The following ATP2B2 variants were observed in gnomAD, a reference collection of about 807,000 sequenced individuals.
The protein encoded by ATP2B2 is ATPase plasma membrane Ca2+ transporting 2.
A neutral mutation model predicts 120.0 loss-of-function variants in ATP2B2; 15 were observed. The observed-to-expected ratio is 0.12, with a 90% confidence interval of 0.08 to 0.19. ATP2B2 has a LOEUF of 0.19. Ranked by LOEUF, ATP2B2 falls within the 10% of genes least tolerant of loss-of-function variation. ATP2B2 has a pLI of 1.00. For synonymous variants in ATP2B2, 694 were observed against 700.3 expected, an observed-to-expected ratio of 0.99 and a Z score of 0.14; for missense variants, 1,045 against 1,719.8, an observed-to-expected ratio of 0.61 and a Z score of 6.94.
intron 1 of ATP2B2, among the ~76,000 whole-genome samples, chr3:10,677,186 T>C (rs551298170): frequency 1.1e-4 from 17 of 152,292 alleles, no homozygotes; most frequent in Non-Finnish European, 2.5e-4. Flanking sequence ...GGTGAATGGA[T>C]AAACCGTGGT....
intron 1 of ATP2B2, among the ~76,000 whole-genome samples, chr3:10,636,821 G>A (rs371449318): frequency 4.6e-5 from 7 of 152,284 alleles, no homozygotes; most frequent in South Asian, 4.2e-4. Flanking sequence ...GAGCATCAGA[G>A]GGGAAAGAGC....
chr3:10,406,386 T>C (rs73113658), intron 3 of ATP2B2, among the ~76,000 whole-genome samples: 1,860 of 152,328 alleles, frequency 0.012, 43 homozygotes, highest in African/African-American at 0.042. Context: ...GCAAACATAG[T>C]CATGAGCCAT....
chr3:10,678,535 A>C (rs1271672662), intron 1 of ATP2B2, among the ~76,000 whole-genome samples: 1 of 152,156 alleles, frequency 6.6e-6, no homozygotes, highest in African/African-American at 2.4e-5. Flanking sequence ...AACCAAGAAA[A>C]TGGCCCTTCT....
chr3:10,475,788 C>A lies in ATP2B2; in HGVS notation c.-319-25926G>T, dbSNP rs549006438. On this transcript the variant is annotated intron_variant, in intron 1 of 22. Transcript: ENST00000360273. ...CTGCTGCCAAAGCCAAAGCCCCCTT[C>A]CCCGTCTGCAATGCCTCATGCTGTC... Among the ~76,000 whole-genome samples the A allele has an allele frequency of 8.5e-5, 13 of 152,324 alleles. No individual in the cohort carries two copies. The East Asian group carries it at 2.5e-3, about 29-fold the overall frequency.
chr3:10,681,333 A>G (rs895197967), intron 1 of ATP2B2, among the ~76,000 whole-genome samples: 9 of 152,192 alleles, frequency 5.9e-5, no homozygotes, highest in African/African-American at 1.9e-4. Flanking sequence ...CCTTGTCACC[A>G]GAGGCAAAAT....
rs114254891 is a variant in ATP2B2, at chr3:10,553,642, G to T, written c.-414-19509C>A. Among the ~76,000 whole-genome samples, 14 of 147,554 alleles carry T rather than the reference G, an allele frequency of 9.5e-5. No homozygotes were observed. In the East Asian group the frequency reaches 1.9e-3, roughly 20 times the overall value. ...GAGGCCCTCAGAGGATTGCAGAGCT[G>T]GGGGGGAAACCCAGGACTCCCTGCC... On this transcript the variant is annotated intron_variant, in intron 2 of 21. Transcript: ENST00000646379.
At chr3:10,431,646 C>T (rs920460070) in intron 2 of ATP2B2, among the ~76,000 whole-genome samples, 4 of 152,046 alleles carry the variant, frequency 2.6e-5, no homozygotes, top group Non-Finnish European at 4.4e-5. Flanking sequence ...AGGGCAGAGA[C>T]ATTGTTTTGT....
chr3:10,596,325 C>T (rs2068763018), intron 2 of ATP2B2, among the ~76,000 whole-genome samples: 1 of 152,226 alleles, frequency 6.6e-6, no homozygotes, highest in Admixed American at 6.5e-5. Flanking sequence ...TCTATGAGGG[C>T]AGGGACTCTG....
chr3:10,556,870 T>G (rs555735437), intron 2 of ATP2B2, among the ~76,000 whole-genome samples: 1 of 152,366 alleles, frequency 6.6e-6, no homozygotes, highest in Admixed American at 6.5e-5. Flanking sequence ...GGTACAATTG[T>G]CCCTATTTTG....
At position 10,515,083 on chromosome 3, in the gene ATP2B2, C is replaced by G. The variant is rs539866183; in HGVS notation, c.-320+18956G>C. Among the ~76,000 whole-genome samples the G allele has an allele frequency of 1.0e-3, 154 of 152,312 alleles. 1 individual carries two copies. The highest frequency in any genetic ancestry group is 3.4e-3 in the African/African-American group (143 of 41,570). ...CAAGGTGCTGTTTCTTTCTGGGGGACACAGAGCATAGAGCAGGGGCTTGGG... is the reference window on the plus strand; with the variant it reads ...CAAGGTGCTGTTTCTTTCTGGGGGAGACAGAGCATAGAGCAGGGGCTTGGG... On this transcript the variant is annotated intron_variant, in intron 3 of 21. Coordinates refer to the ATP2B2 transcript ENST00000646379.
chr3:10,649,833 G>A (rs143714668), intron 1 of ATP2B2, among the ~76,000 whole-genome samples: 2 of 152,154 alleles, frequency 1.3e-5, no homozygotes, highest in African/African-American at 2.4e-5. Context: ...AAAAGGGGAG[G>A]TTCCCTGCAC....
At chr3:10,411,569 G>A (rs2062613074) in intron 2 of ATP2B2, among the ~76,000 whole-genome samples, 1 of 152,218 alleles carries the variant, frequency 6.6e-6, no homozygotes, top group Non-Finnish European at 1.5e-5. Flanking sequence ...CTCGCTCTCT[G>A]AGCCTCAGTA....
rs369726075 is a variant in ATP2B2 at position 10,378,397 on chromosome 3, G to A, written c.1056C>T (p.Asp352=). 6.6e-5 allele frequency: 106 copies of A among 1,602,060 alleles called. No individual in the cohort carries two copies. The highest frequency in any genetic ancestry group is 8.2e-5 in the Non-Finnish European group (97 of 1,179,978). ...DASQSKAKQQ[D]GAAAMEMQPL... is the part of the protein sequence containing the mutation. ...GCTGCATCTCCATGGCGGCTGCCCCGTCCTGTTGTTTGGCTGCAGGGGGCA... is the reference window on the plus strand; with the variant it reads ...GCTGCATCTCCATGGCGGCTGCCCCATCCTGTTGTTTGGCTGCAGGGGGCA... The change falls in exon 10 of 23, where the codon GAC becomes GAT. Residue 352 remains aspartate (D), a synonymous_variant. Transcript: ENST00000360273.
At chr3:10,653,325 G>T (rs549189292) in intron 1 of ATP2B2, among the ~76,000 whole-genome samples, 11 of 152,198 alleles carry the variant, frequency 7.2e-5, no homozygotes, top group Admixed American at 2.0e-4. Flanking sequence ...TGGAAACATT[G>T]TTTCCAAGAC....
intron 1 of ATP2B2, among the ~76,000 whole-genome samples, chr3:10,637,239 C>A (rs1449759013): frequency 6.6e-6 from 1 of 151,950 alleles, no homozygotes; most frequent in African/African-American, 2.4e-5. Flanking sequence ...TATCTAGTAC[C>A]CAATAAGGTA....
Position 10,343,528 on chromosome 3 carries a change from A to G in ATP2B2, c.2704-563T>C, listed in dbSNP as rs1398373623. Reference sequence around the variant, plus strand: ...CAAATGAGGAATAGCAAAAGCAACTAAAACTGTCAAGGACCTCACCACTTT... The same window carrying G: ...CAAATGAGGAATAGCAAAAGCAACTGAAACTGTCAAGGACCTCACCACTTT... On this transcript the variant is annotated intron_variant, in intron 18 of 22. Coordinates refer to ENST00000360273, the MANE Select transcript of ATP2B2 (RefSeq NM_001001331.4). This position sits in a 1 kb window ranked among gnomAD's most constrained non-coding sequence, Gnocchi z 4.2. 7.8e-3 allele frequency among the ~76,000 whole-genome samples: 1 copy of G among 128 alleles called. No individual in the cohort carries two copies. Among genetic ancestry groups the G allele is most frequent in the Non-Finnish European group, 0.018 (1 of 56 alleles). 0.1% of individuals were successfully genotyped at this position (128 alleles called of 152,430 possible).
At chr3:10,543,837 C>G (rs555206520) in intron 2 of ATP2B2, among the ~76,000 whole-genome samples, 1 of 151,324 alleles carries the variant, frequency 6.6e-6, no homozygotes, top group African/African-American at 2.4e-5. Context: ...CTCCTGGGTT[C>G]GAGAAATTCT....
At chr3:10,378,139 T>A in intron 10 of ATP2B2, 113 bp downstream of exon 10, 1 of 1,422,672 alleles carries the variant, frequency 7.0e-7, no homozygotes, top group Non-Finnish European at 9.3e-7. Flanking sequence ...CTTCAGGCAC[T>A]CATTCAAGCC....
intron 1 of ATP2B2, among the ~76,000 whole-genome samples, chr3:10,645,161 T>C (rs1015177527): frequency 3.3e-5 from 5 of 152,186 alleles, no homozygotes; most frequent in African/African-American, 1.2e-4. Context: ...GGGTAAAATG[T>C]CAACCATAGG....
Sources: allele counts gnomAD v4.1 joint callset (sites outside exome capture counted in the v4.1 genomes callset), GRCh38; gene constraint gnomAD v4.1.1; non-coding constraint Gnocchi (gnomAD v3.1); transcripts MANE v1.5; gene names NCBI Gene and HGNC (gene_info 2026-07-23, HGNC 2026-07-21).